The following PRKN variants were observed in gnomAD, a reference collection of about 807,000 sequenced individuals.
The protein encoded by PRKN is E3 ubiquitin-protein ligase parkin.
PRKN carries 56 observed loss-of-function variants against 59.5 expected under a neutral mutation model. The ratio of observed to expected loss-of-function variants is 0.94; its 90% confidence interval spans 0.76 to 1.18. The LOEUF (loss-of-function observed/expected upper bound fraction) is 1.18. PRKN is among the 50% of genes most tolerant of loss of function. PRKN has a pLI of 0.00. For synonymous variants in PRKN, 250 were observed against 222.1 expected (o/e 1.13, Z -1.12); for missense variants, 657 against 596.4 (o/e 1.10, Z -1.06).
At chr6:162,330,955 TACAAAC>T in intron 2 of PRKN, among the ~76,000 whole-genome samples, 1 of 152,098 alleles carries the variant, frequency 6.6e-6, no homozygotes, top group Non-Finnish European at 1.5e-5. Context: ...GTCCTTCACT[TACAAAC>T]ACATCAAGAG....
intron 5 of PRKN, among the ~76,000 whole-genome samples, chr6:161,998,015 T>C (rs1182503473): frequency 2.6e-5 from 4 of 152,090 alleles, no homozygotes; most frequent in Non-Finnish European, 5.9e-5. Flanking sequence ...TATATGGCAA[T>C]AATGTGGAAA....
intron 4 of PRKN, among the ~76,000 whole-genome samples, chr6:162,161,199 A>T (rs2128316641): frequency 6.6e-6 from 1 of 152,324 alleles, no homozygotes; most frequent in East Asian, 1.9e-4. Flanking sequence ...CCATGGGCTG[A>T]CCACGTGAGC....
intron 6 of PRKN, among the ~76,000 whole-genome samples, chr6:161,935,101 G>GGAGATTTCACA (rs11270277): frequency 0.56 from 84,351 of 151,462 alleles, 23,603 homozygotes; most frequent in Middle Eastern, 0.66. Context: ...GAAAGTCTCT[G>GGAGATTTCACA]GTGCCCTTTC....
At chr6:162,611,606 C>T (rs1452461616) in intron 1 of PRKN, among the ~76,000 whole-genome samples, 1 of 152,140 alleles carries the variant, frequency 6.6e-6, no homozygotes, top group Non-Finnish European at 1.5e-5. Flanking sequence ...AGGACACACA[C>T]ACTGAGGGAC....
rs762020979 is a variant in PRKN at position 162,056,969 on chromosome 6, G to A, written c.535-2795C>T. Among the ~76,000 whole-genome samples, 2 of 151,984 alleles carry A rather than the reference G, an allele frequency of 1.3e-5. No homozygotes were observed. The highest frequency in any genetic ancestry group is 2.9e-5 in the Non-Finnish European group (2 of 68,012). ...TCCTCCCCCTGGGCCTTTTCCCCTC[G>A]CTTCATATCCTTTTGTTGTAGTGAA... On this transcript the variant is annotated intron_variant, in intron 4 of 11. Transcript: ENST00000366898. This position sits in a 1 kb window ranked among gnomAD's most constrained non-coding sequence, Gnocchi z 4.9.
chr6:161,517,488 C>T lies in PRKN; in HGVS notation c.1083+31366G>A, dbSNP rs185416453. Among the ~76,000 whole-genome samples, 471 of 152,032 alleles carry T rather than the reference C, an allele frequency of 3.1e-3. 2 individuals carry two copies. Among genetic ancestry groups the T allele is most frequent in the African/African-American group, 0.011 (452 of 41,470 alleles). On this transcript the variant is annotated intron_variant, in intron 9 of 11. Transcript: ENST00000366898. ...GGGCGTGGTGGCTCACACCTGTAAT[C>T]CCAGCACTTTGGGAGGCCAAAGCAG...
At position 162,013,385 on chromosome 6, in the gene PRKN, A is replaced by C. The variant is rs566218334; in HGVS notation, c.619-39968T>G. Among the ~76,000 whole-genome samples, 30 of 152,216 alleles carry C rather than the reference A, an allele frequency of 2.0e-4. 2 individuals are homozygous for C. In the South Asian group the frequency reaches 6.2e-3, roughly 32 times the overall value. ...TTTTCTGGTGTAAGAAAAATGTTCC[A>C]GCCTCCTATTATACTTTTCCGGCTC... On this transcript the variant is annotated intron_variant, in intron 5 of 11. Transcript: ENST00000366898.
intron 7 of PRKN, among the ~76,000 whole-genome samples, chr6:161,573,795 T>TATATATATATATAA (rs1562535146): frequency 4.1e-5 from 4 of 98,630 alleles, no homozygotes; most frequent in African/African-American, 1.2e-4. Flanking sequence ...TATATATATA[T>TATATATATATATAA]AAAACTTCAT....
chr6:162,453,669 G>T (rs1057074391), intron 1 of PRKN, among the ~76,000 whole-genome samples: 1 of 152,182 alleles, frequency 6.6e-6, no homozygotes, highest in African/African-American at 2.4e-5. Flanking sequence ...TTGGGAGGCT[G>T]AAGTGGGCAG....
chr6:162,015,277 G>GA (rs1357375209), intron 5 of PRKN, among the ~76,000 whole-genome samples: 2 of 152,186 alleles, frequency 1.3e-5, no homozygotes, highest in Admixed American at 6.5e-5. Flanking sequence ...TCTTCTGGGA[G>GA]AAAAAAGGCT....
rs567951459 is a variant in PRKN at position 161,428,595 on chromosome 6, T to C, written c.1084-41718A>G. 1.6e-4 allele frequency among the ~76,000 whole-genome samples: 25 copies of C among 152,348 alleles called. 1 individual carries two copies. The South Asian group carries it at 4.6e-3, about 28-fold the overall frequency. On this transcript the variant is annotated intron_variant, in intron 9 of 11. Coordinates refer to ENST00000366898, the MANE Select transcript of PRKN (RefSeq NM_004562.3). The surrounding 1 kb of genome is among the most constrained non-coding windows in gnomAD (Gnocchi z 4.0). ...TGCCTTTGATTGTTTGGCGGTTTGC[T>C]GTGTTCTCTGAGTGTTTTTCCACAC...
In PRKN at chr6:161,550,819, C is replaced by G. The variant is rs547312584; in HGVS notation, c.934-1816G>C. On this transcript the variant is annotated intron_variant, in intron 8 of 11. Transcript: ENST00000366898. The surrounding 1 kb of genome is among the most constrained non-coding windows in gnomAD (Gnocchi z 4.0). ...TTGTGCTCGTGTTCAGTTTGATAAG[C>G]TATTACACAGCGATGTCAAAATGTC... Among the ~76,000 whole-genome samples the G allele has an allele frequency of 2.0e-5, 3 of 151,790 alleles. No individual in the cohort carries two copies. The South Asian group carries it at 6.2e-4, about 32-fold the overall frequency.
intron 1 of PRKN, among the ~76,000 whole-genome samples, chr6:162,574,189 C>T (rs1451003423): frequency 1.3e-5 from 2 of 152,014 alleles, no homozygotes; most frequent in East Asian, 3.9e-4. Context: ...GTCTGTCTGT[C>T]TCAAGATTAG....
At chr6:162,269,627 G>A (rs1301764798) in intron 2 of PRKN, 1 of 152,186 alleles carries the variant, frequency 6.6e-6, no homozygotes, top group Non-Finnish European at 1.5e-5. Flanking sequence ...ACTGTCTATG[G>A]TCTGTAAAGT....
chr6:161,930,673 G>A (rs961113312), intron 6 of PRKN, among the ~76,000 whole-genome samples: 24 of 152,300 alleles, frequency 1.6e-4, no homozygotes, highest in Admixed American at 1.6e-3. Flanking sequence ...CTGCAAATAG[G>A]AATATGTTAC....
In PRKN at chr6:161,576,148, G is replaced by A. The variant is rs1272187416; in HGVS notation, c.872-6732C>T. 6.6e-6 allele frequency among the ~76,000 whole-genome samples: 1 copy of A among 152,292 alleles called. No homozygotes were observed. Among genetic ancestry groups the A allele is most frequent in the East Asian group, 1.9e-4 (1 of 5,178 alleles). On this transcript the variant is annotated intron_variant, in intron 7 of 11. Transcript: ENST00000366898. This position sits in a 1 kb window ranked among gnomAD's most constrained non-coding sequence, Gnocchi z 4.6. ...CCTGGAAAACTCACTAAGCTGTCTC[G>A]ACAGAGTAATTGCATTCAGTCAGCA... is the stretch of plus-strand genomic sequence containing the variant.
At chr6:161,680,427 G>A (rs762950692) in intron 7 of PRKN, among the ~76,000 whole-genome samples, 1 of 152,036 alleles carries the variant, frequency 6.6e-6, no homozygotes, top group Non-Finnish European at 1.5e-5. Context: ...GTGAATGGCC[G>A]AGTTCTGAGG....
At chr6:162,531,106 C>T (rs1393232599) in intron 1 of PRKN, among the ~76,000 whole-genome samples, 3 of 151,152 alleles carry the variant, frequency 2.0e-5, no homozygotes, top group Admixed American at 1.3e-4. Context: ...GTGGTTCACG[C>T]CTGTAATCCC....
At chr6:162,258,452 C>G (rs756605754) in intron 3 of PRKN, among the ~76,000 whole-genome samples, 1 of 152,204 alleles carries the variant, frequency 6.6e-6, no homozygotes, top group Non-Finnish European at 1.5e-5. Flanking sequence ...ATTTAGGAAA[C>G]ACCAATAACA....
Sources: gnomAD v4.1 joint callset for allele counts (sites outside exome capture counted in the v4.1 genomes callset) on GRCh38, gnomAD v4.1.1 for gene constraint, Gnocchi (gnomAD v3.1) non-coding constraint, MANE v1.5 for transcripts, NCBI Gene and HGNC (gene_info 2026-07-23, HGNC 2026-07-21) for gene names.